DOCK3: variants seen among roughly 807,000 people sequenced by gnomAD.
DOCK3 encodes dedicator of cytokinesis protein 3.
Under a neutral mutation model 265.6 loss-of-function variants are expected in DOCK3, and 60 were observed. That is an observed-to-expected ratio of 0.23 (90% CI 0.18 to 0.28). The LOEUF (loss-of-function observed/expected upper bound fraction) is 0.28, where lower values mean the gene tolerates loss of function less well. Ranked by LOEUF, DOCK3 falls within the 10% of genes least tolerant of loss-of-function variation. DOCK3 has a pLI of 1.00. For synonymous variants in DOCK3, 881 were observed against 938.0 expected, an observed-to-expected ratio of 0.94 and a Z score of 1.11; for missense variants, 1,981 against 2,594.3, an observed-to-expected ratio of 0.76 and a Z score of 5.14.
At chr3:51,285,849 C>T (rs373737333) in intron 27 of DOCK3, among the ~76,000 whole-genome samples, 8 of 152,068 alleles carry the variant, frequency 5.3e-5, no homozygotes, top group South Asian at 2.1e-4. Flanking sequence ...GCAGGAGAAT[C>T]GCTTGAACCC....
intron 9 of DOCK3, among the ~76,000 whole-genome samples, chr3:51,096,612 T>G (rs2082868593): frequency 6.6e-6 from 1 of 152,196 alleles, no homozygotes; most frequent in Non-Finnish European, 1.5e-5. Context: ...TGGAGGAGTT[T>G]GTTATTACCC....
chr3:50,948,556 C>CTTTTCTTTTCTTTTCTCTTAT, intron 5 of DOCK3, among the ~76,000 whole-genome samples: 1 of 151,668 alleles, frequency 6.6e-6, no homozygotes, highest in Non-Finnish European at 1.5e-5. Context: ...AAACCCGGCT[C>CTTTTCTTTTCTTTTCTCTTAT]TTTTCTTTTC....
At chr3:50,716,898 G>T (rs1041938113) in intron 1 of DOCK3, among the ~76,000 whole-genome samples, 1 of 151,954 alleles carries the variant, frequency 6.6e-6, no homozygotes, top group Non-Finnish European at 1.5e-5. Context: ...TTCCACGGTT[G>T]TTCCTTATAT....
chr3:51,105,942 A>G lies in DOCK3; in HGVS notation c.746+15558A>G, dbSNP rs80127797. 3.0e-3 allele frequency among the ~76,000 whole-genome samples: 457 copies of G among 152,280 alleles called. 3 individuals are homozygous for G. Among genetic ancestry groups the G allele is most frequent in the African/African-American group, 0.01 (433 of 41,576 alleles). Reference sequence around the variant, plus strand: ...ATCTGCTCTTGCCACAGGCCCCACAAATCCTGGCAGGGAGAGATCCCTCAA... The same window carrying G: ...ATCTGCTCTTGCCACAGGCCCCACAGATCCTGGCAGGGAGAGATCCCTCAA... On this transcript the variant is annotated intron_variant, in intron 9 of 52. Transcript: ENST00000266037.
chr3:51,125,161 A>G (rs1009426300), intron 9 of DOCK3, among the ~76,000 whole-genome samples: 1 of 152,062 alleles, frequency 6.6e-6, no homozygotes, highest in African/African-American at 2.4e-5. Flanking sequence ...TTTTATATTA[A>G]GAGAGAGTAA....
At chr3:50,737,563 A>G (rs1049102895) in intron 1 of DOCK3, among the ~76,000 whole-genome samples, 1 of 152,206 alleles carries the variant, frequency 6.6e-6, no homozygotes, top group Non-Finnish European at 1.5e-5. Flanking sequence ...ATGTTAGTTT[A>G]CTTGATGGTG....
At chr3:50,938,011 A>G (rs1385573264) in intron 5 of DOCK3, among the ~76,000 whole-genome samples, 1 of 152,112 alleles carries the variant, frequency 6.6e-6, no homozygotes, top group African/African-American at 2.4e-5. Flanking sequence ...ATGATGATGT[A>G]GGGAGGCTAA....
At chr3:51,175,592 A>T (rs767626480) in intron 12 of DOCK3, among the ~76,000 whole-genome samples, 8 of 151,982 alleles carry the variant, frequency 5.3e-5, no homozygotes, top group Non-Finnish European at 1.2e-4. Context: ...AGGTATAGAC[A>T]GATGTATCTC....
At chr3:51,059,572 T>A (rs921022656) in intron 5 of DOCK3, among the ~76,000 whole-genome samples, 1 of 152,020 alleles carries the variant, frequency 6.6e-6, no homozygotes, top group Admixed American at 6.6e-5. Flanking sequence ...TTCTGGTCAA[T>A]TCAAGTTACC....
intron 2 of DOCK3, among the ~76,000 whole-genome samples, chr3:50,838,454 G>T (rs1413669027): frequency 6.6e-6 from 1 of 152,170 alleles, no homozygotes; most frequent in African/African-American, 2.4e-5. Flanking sequence ...CAAACCAGCA[G>T]ATGTTTTACT....
chr3:51,059,065 C>T (rs1195455922), intron 5 of DOCK3, among the ~76,000 whole-genome samples: 1 of 152,040 alleles, frequency 6.6e-6, no homozygotes, highest in Non-Finnish European at 1.5e-5. Context: ...TAAGTTTCAA[C>T]CCTTGTACTT....
chr3:50,886,023 CT>C (rs2048313254), intron 3 of DOCK3, among the ~76,000 whole-genome samples: 4 of 151,782 alleles, frequency 2.6e-5, no homozygotes, highest in Admixed American at 2.6e-4. Flanking sequence ...CTGTCTGTTC[CT>C]GTTGGTATTT....
intron 3 of DOCK3, among the ~76,000 whole-genome samples, chr3:50,848,596 A>G (rs1355876530): frequency 6.6e-6 from 1 of 152,196 alleles, no homozygotes; most frequent in Admixed American, 6.5e-5. Flanking sequence ...TCTTTTCTTT[A>G]AGAATGCCTA....
chr3:50,968,797 GC>G (rs1466814001), intron 5 of DOCK3, among the ~76,000 whole-genome samples: 2 of 152,252 alleles, frequency 1.3e-5, no homozygotes, highest in Middle Eastern at 3.4e-3. Flanking sequence ...TGATCCACGT[GC>G]CTCGGCCTCC....
chr3:51,256,273 G>A (rs1232249827), intron 22 of DOCK3, among the ~76,000 whole-genome samples: 6 of 152,074 alleles, frequency 3.9e-5, no homozygotes, highest in Non-Finnish European at 5.9e-5. Context: ...CCTCCTCCTT[G>A]TTTTGTTTTT....
intron 3 of DOCK3, among the ~76,000 whole-genome samples, chr3:50,865,321 G>C (rs570813826): frequency 6.6e-6 from 1 of 152,028 alleles, no homozygotes; most frequent in African/African-American, 2.4e-5. Flanking sequence ...CCACCCTCTG[G>C]CAACCATTCT....
chr3:51,082,079 G>C (rs2082263064), intron 7 of DOCK3, among the ~76,000 whole-genome samples: 2 of 151,926 alleles, frequency 1.3e-5, no homozygotes, highest in Non-Finnish European at 1.5e-5. Flanking sequence ...GTCATGGAAG[G>C]AGAGGGAAGC....
chr3:51,249,033 C>T (rs1328267611), intron 22 of DOCK3, among the ~76,000 whole-genome samples: 43 of 150,052 alleles, frequency 2.9e-4, no homozygotes, highest in African/African-American at 8.1e-4. Flanking sequence ...CCTCTCCGCC[C>T]GGCAGCCACC....
At chr3:51,018,819 T>C (rs1422976822) in intron 5 of DOCK3, among the ~76,000 whole-genome samples, 1 of 151,968 alleles carries the variant, frequency 6.6e-6, no homozygotes, top group East Asian at 1.9e-4. Flanking sequence ...TCTTATTTTG[T>C]AAAGTTCCTA....
Sources: allele counts gnomAD v4.1 joint callset (sites outside exome capture counted in the v4.1 genomes callset), GRCh38; gene constraint gnomAD v4.1.1; transcripts MANE v1.5; gene names NCBI Gene and HGNC (gene_info 2026-07-23, HGNC 2026-07-21).